The following FHIT variants were observed in gnomAD, a reference collection of about 807,000 sequenced individuals.
FHIT encodes bis(5'-adenosyl)-triphosphatase.
FHIT carries 19 observed loss-of-function variants against 17.9 expected under a neutral mutation model. That is an observed-to-expected ratio of 1.06 (90% CI 0.74 to 1.56). The LOEUF (loss-of-function observed/expected upper bound fraction) is 1.56, where lower values mean the gene tolerates loss of function less well. Among genes scored for constraint, FHIT ranks in the 40% most tolerant of loss-of-function variants. The pLI, the probability that FHIT is intolerant of heterozygous loss-of-function variation, is 0.00. For missense variants in FHIT, 248 were observed against 189.2 expected (o/e 1.31, Z -1.82); for synonymous variants, 81 against 69.7 (o/e 1.16, Z -0.81).
chr3:59,948,850 A>T (rs1052938665), intron 7 of FHIT, among the ~76,000 whole-genome samples: 8 of 151,358 alleles, frequency 5.3e-5, no homozygotes, highest in Non-Finnish European at 8.8e-5. Flanking sequence ...TTTTTTCCCC[A>T]CAGTTCCATG....
At chr3:61,207,919 T>C (rs1366386081) in intron 1 of FHIT, among the ~76,000 whole-genome samples, 1 of 152,236 alleles carries the variant, frequency 6.6e-6, no homozygotes, top group Non-Finnish European at 1.5e-5. Flanking sequence ...GGTGGCACTT[T>C]TAGATCTTTC....
At chr3:60,760,108 C>T (rs1413207714) in intron 4 of FHIT, among the ~76,000 whole-genome samples, 8 of 151,898 alleles carry the variant, frequency 5.3e-5, no homozygotes, top group Middle Eastern at 3.4e-3. Context: ...TCTCTCCTTT[C>T]GTTCTTTCAT....
At chr3:59,951,067 CCA>C (rs1707091424) in intron 7 of FHIT, among the ~76,000 whole-genome samples, 2 of 152,314 alleles carry the variant, frequency 1.3e-5, no homozygotes, top group South Asian at 2.1e-4. Flanking sequence ...CATTCACTTC[CCA>C]CCACAATCTT....
At chr3:60,172,719 G>A (rs1441457262) in intron 5 of FHIT, among the ~76,000 whole-genome samples, 1 of 152,160 alleles carries the variant, frequency 6.6e-6, no homozygotes, top group African/African-American at 2.4e-5. Flanking sequence ...GGCAGCCAGG[G>A]TGGCTGGATA....
At chr3:60,314,766 G>C (rs1344131022) in intron 5 of FHIT, among the ~76,000 whole-genome samples, 1 of 152,034 alleles carries the variant, frequency 6.6e-6, no homozygotes, top group East Asian at 1.9e-4. Flanking sequence ...GAGTAAGGTG[G>C]GGCCACTGAG....
chr3:60,026,826 T>C (rs576689113), intron 5 of FHIT, among the ~76,000 whole-genome samples: 79 of 152,140 alleles, frequency 5.2e-4, no homozygotes, highest in African/African-American at 1.8e-3. Context: ...TGGCCAGGTG[T>C]GGTGGCTCAC....
Position 59,909,497 on chromosome 3 carries a change from T to C in FHIT, c.348+12849A>G, listed in dbSNP as rs191270195. ...GGCACGCACCACCACACCTGGCTAA[T>C]TTTTGTATTTTTAGTAGAGACGGGG... On this transcript the variant is annotated intron_variant, in intron 8 of 9. Coordinates refer to ENST00000492590, the MANE Select transcript of FHIT (RefSeq NM_002012.4). 2.3e-3 allele frequency among the ~76,000 whole-genome samples: 348 copies of C among 152,244 alleles called. 3 individuals are homozygous for C. Among genetic ancestry groups the C allele is most frequent in the African/African-American group, 8.2e-3 (339 of 41,528 alleles).
intron 2 of FHIT, among the ~76,000 whole-genome samples, chr3:61,170,671 A>C (rs1323797745): frequency 1.3e-5 from 2 of 152,138 alleles, no homozygotes; most frequent in African/African-American, 4.8e-5. Flanking sequence ...AATGGCCTCC[A>C]TCTCCATCCG....
At chr3:61,040,039 T>C (rs538201663) in intron 3 of FHIT, among the ~76,000 whole-genome samples, 54 of 152,294 alleles carry the variant, frequency 3.5e-4, no homozygotes, top group African/African-American at 1.3e-3. Flanking sequence ...GTCTCAATCA[T>C]GGTGAATAAT....
intron 8 of FHIT, among the ~76,000 whole-genome samples, chr3:59,774,663 CCTGT>C (rs1159793656): frequency 4.6e-5 from 7 of 152,152 alleles, no homozygotes; most frequent in Middle Eastern, 3.4e-3. Flanking sequence ...AACTTTTTTT[CCTGT>C]CTGTCTCCCC....
intron 4 of FHIT, among the ~76,000 whole-genome samples, chr3:60,721,198 C>T (rs1393087714): frequency 6.6e-6 from 1 of 152,096 alleles, no homozygotes; most frequent in South Asian, 2.1e-4. Context: ...TTTGCCCTTA[C>T]CTTCTGTCTT....
chr3:60,309,692 T>C (rs1708852232), intron 5 of FHIT, among the ~76,000 whole-genome samples: 1 of 152,136 alleles, frequency 6.6e-6, no homozygotes, highest in South Asian at 2.1e-4. Context: ...CAGATTCTTC[T>C]GCAAACCATC....
chr3:60,505,220 AC>A (rs1431306783), intron 5 of FHIT, among the ~76,000 whole-genome samples: 10 of 152,138 alleles, frequency 6.6e-5, no homozygotes, highest in Non-Finnish European at 1.5e-4. Context: ...CCTAAACAAG[AC>A]TGGTTCCAGG....
At chr3:59,806,852 C>A (rs1339279467) in intron 8 of FHIT, among the ~76,000 whole-genome samples, 1 of 151,926 alleles carries the variant, frequency 6.6e-6, no homozygotes, top group Non-Finnish European at 1.5e-5. Context: ...CAAATGCAAA[C>A]CACCAAAATA....
intron 5 of FHIT, among the ~76,000 whole-genome samples, chr3:60,466,716 C>A (rs889629102): frequency 5.9e-5 from 9 of 151,778 alleles, no homozygotes; most frequent in Non-Finnish European, 2.9e-5. Flanking sequence ...TGGAATAAAT[C>A]CCGCTTGGTC....
intron 8 of FHIT, among the ~76,000 whole-genome samples, chr3:59,909,290 C>T (rs1475604659): frequency 6.6e-6 from 1 of 152,008 alleles, no homozygotes; most frequent in Non-Finnish European, 1.5e-5. Flanking sequence ...CCTTGGCCTC[C>T]CAAAGGGCTG....
chr3:61,117,622 T>C (rs562087840), intron 2 of FHIT, among the ~76,000 whole-genome samples: 1 of 152,290 alleles, frequency 6.6e-6, no homozygotes, highest in East Asian at 1.9e-4. Context: ...TATAAACATA[T>C]ACATTTACTG....
intron 5 of FHIT, among the ~76,000 whole-genome samples, chr3:60,172,059 A>G (rs1237182210): frequency 6.6e-6 from 1 of 152,190 alleles, no homozygotes; most frequent in Non-Finnish European, 1.5e-5. Flanking sequence ...TTTACAGAAT[A>G]TCCAGATTAG....
rs73842465 is a variant in FHIT, at chr3:60,014,073, C to T, written c.183G>A (p.Thr61=). 2,839 of 1,613,966 alleles carry T rather than the reference C, an allele frequency of 1.8e-3. 62 individuals carry two copies. In the African/African-American group the frequency reaches 0.033, roughly 19 times the overall value. Reference sequence around the variant, plus strand: ...CCACCACTGTCCCGACTCTCTGGGTCGTCTGAAACAAATCGGCCACTTCAT... The same window carrying T: ...CCACCACTGTCCCGACTCTCTGGGTTGTCTGAAACAAATCGGCCACTTCAT... ...RPDEVADLFQ[T]TQRVGTVVEK... The change falls in exon 6 of 10, where the codon ACG becomes ACA. Residue 61 remains threonine, a synonymous_variant. Transcript: ENST00000492590.
Sources: gnomAD v4.1 joint callset for allele counts (sites outside exome capture counted in the v4.1 genomes callset) on GRCh38, gnomAD v4.1.1 for gene constraint, MANE v1.5 for transcripts, NCBI Gene and HGNC (gene_info 2026-07-23, HGNC 2026-07-21) for gene names.